Variants in ANO3 observed in about 807,000 individuals in gnomAD.
ANO3 encodes anoctamin 3, also known as anoctamin-3.
Under a neutral mutation model 144.8 loss-of-function variants are expected in ANO3, and 99 were observed. The observed-to-expected ratio is 0.68, with a 90% confidence interval of 0.58 to 0.81. The LOEUF is 0.81. ANO3 is among the 30% of genes least tolerant of loss of function. ANO3 has a pLI of 0.00. For synonymous variants in ANO3, 414 were observed against 392.6 expected, an observed-to-expected ratio of 1.05 and a Z score of -0.64; for missense variants, 905 against 1,202.2, an observed-to-expected ratio of 0.75 and a Z score of 3.66.
intron 1 of ANO3, among the ~76,000 whole-genome samples, chr11:26,292,756 T>C (rs1044829487): frequency 4.6e-5 from 7 of 152,340 alleles, no homozygotes; most frequent in African/African-American, 1.7e-4. Flanking sequence ...CAGCAAATAT[T>C]GCACAACAGC....
intron 1 of ANO3, among the ~76,000 whole-genome samples, chr11:26,290,100 T>C (rs1853920736): frequency 6.6e-6 from 1 of 152,118 alleles, no homozygotes; most frequent in Non-Finnish European, 1.5e-5. Flanking sequence ...CTGTTATTGG[T>C]CTATTCAGGG....
intron 4 of ANO3, among the ~76,000 whole-genome samples, chr11:26,468,914 A>G (rs920315907): frequency 4.6e-5 from 7 of 151,990 alleles, no homozygotes; most frequent in Admixed American, 4.6e-4. Context: ...TTTTATTTAT[A>G]TTATTAAGTG....
chr11:26,561,045 A>C, intron 14 of ANO3: 1 of 1,598,158 alleles, frequency 6.3e-7, no homozygotes, highest in Non-Finnish European at 8.5e-7. Context: ...TTGCTGTTTA[A>C]CGCCTTTTTG....
chr11:26,528,517 T>A (rs1401030629), intron 7 of ANO3, among the ~76,000 whole-genome samples: 1 of 152,214 alleles, frequency 6.6e-6, no homozygotes, highest in Non-Finnish European at 1.5e-5. Context: ...ACTTTGTTTA[T>A]GATGTAGTCA....
Position 26,397,004 on chromosome 11 carries a change from A to G in ANO3, c.47-44914A>G, listed in dbSNP as rs959443329. Among the ~76,000 whole-genome samples the G allele has an allele frequency of 1.5e-4, 22 of 151,426 alleles. 1 individual carries two copies. The highest frequency in any genetic ancestry group is 4.8e-4 in the African/African-American group (20 of 41,296). ...ACTAACCTCTCACAGAAAAAAAACA[A>G]AAACAAAAAAATAAAGTAAAATGGA... On this transcript the variant is annotated intron_variant, in intron 1 of 26. Coordinates refer to ENST00000256737, the MANE Select transcript of ANO3 (RefSeq NM_031418.4).
intron 14 of ANO3, among the ~76,000 whole-genome samples, chr11:26,571,688 C>A (rs536699165): frequency 9.2e-5 from 14 of 152,232 alleles, no homozygotes; most frequent in African/African-American, 3.4e-4. Flanking sequence ...GCTGCCACTT[C>A]CACTTTAAAC....
chr11:26,580,704 A>C (rs1458080561), intron 14 of ANO3, among the ~76,000 whole-genome samples: 1 of 152,238 alleles, frequency 6.6e-6, no homozygotes, highest in South Asian at 2.1e-4. Flanking sequence ...ATTCAGATAT[A>C]GTGTTCTCTT....
At chr11:26,649,821 G>A (rs1258154843) in intron 24 of ANO3, among the ~76,000 whole-genome samples, 2 of 152,070 alleles carry the variant, frequency 1.3e-5, no homozygotes, top group African/African-American at 4.8e-5. Flanking sequence ...CACAATTTAA[G>A]TGTAAGAGGG....
At chr11:26,565,962 T>C in intron 14 of ANO3, 1 of 1,356,078 alleles carries the variant, frequency 7.4e-7, no homozygotes, top group Non-Finnish European at 9.8e-7. Context: ...AATGGATCTA[T>C]ATATTTTAAA....
rs763228921 is a variant in ANO3 at position 26,660,337 on chromosome 11, C to A, written c.2839C>A (p.Arg947=). The A allele has an allele frequency of 1.9e-6, 3 of 1,613,306 alleles. No homozygotes were observed. The highest frequency in any genetic ancestry group is 2.5e-6 in the Non-Finnish European group (3 of 1,179,634). The change falls in exon 27 of 27, where the codon CGA becomes AGA. Residue 947 remains arginine (R), a synonymous_variant. Coordinates refer to ENST00000256737, the MANE Select transcript of ANO3 (RefSeq NM_031418.4). ...ACCAAAGGGTCTACATGACCGAATACGACGAGAGAAGTACTTAGTTCAAGA... is the reference window on the plus strand; with the variant it reads ...ACCAAAGGGTCTACATGACCGAATAAGACGAGAGAAGTACTTAGTTCAAGA... ...DVPKGLHDRI[R]REKYLVQEMM...
chr11:26,268,302 A>G (rs1853359220), intron 1 of ANO3, among the ~76,000 whole-genome samples: 1 of 152,202 alleles, frequency 6.6e-6, no homozygotes, highest in Non-Finnish European at 1.5e-5. Context: ...TGGCATCAAT[A>G]TCCAGTCTTT....
At chr11:26,638,441 C>T (rs1565158459) in intron 20 of ANO3, among the ~76,000 whole-genome samples, 1 of 152,150 alleles carries the variant, frequency 6.6e-6, no homozygotes, top group Non-Finnish European at 1.5e-5. Flanking sequence ...CCACAGGGTA[C>T]ACATCCGGCA....
intron 1 of ANO3, among the ~76,000 whole-genome samples, chr11:26,253,194 T>A (rs1300755940): frequency 6.6e-6 from 1 of 152,170 alleles, no homozygotes. Context: ...GCTGCACTAA[T>A]GCTTTACATG....
intron 1 of ANO3, among the ~76,000 whole-genome samples, chr11:26,433,641 A>G (rs1255902120): frequency 1.3e-5 from 2 of 152,186 alleles, no homozygotes; most frequent in Admixed American, 6.5e-5. Context: ...TTCTGCATCT[A>G]TTGAGATAAT....
chr11:26,639,292 G>A, intron 21 of ANO3, 51 bp downstream of exon 21: 1 of 1,395,538 alleles, frequency 7.2e-7, no homozygotes, highest in African/African-American at 1.4e-5. Flanking sequence ...AAAGAGGAAA[G>A]CTAGAGGTGG....
intron 3 of ANO3, among the ~76,000 whole-genome samples, chr11:26,456,306 A>G (rs1221359763): frequency 1.3e-5 from 2 of 152,176 alleles, no homozygotes; most frequent in African/African-American, 2.4e-5. Flanking sequence ...AATGGGACAA[A>G]ATTTTCACAA....
At chr11:26,352,185 G>A (rs925924201) in intron 1 of ANO3, among the ~76,000 whole-genome samples, 3 of 152,230 alleles carry the variant, frequency 2.0e-5, no homozygotes, top group Admixed American at 1.3e-4. Flanking sequence ...ACCAAGTACT[G>A]ACTAAAAAAC....
At chr11:26,460,771 A>C (rs776465627) in intron 3 of ANO3, among the ~76,000 whole-genome samples, 1 of 152,096 alleles carries the variant, frequency 6.6e-6, no homozygotes, top group Non-Finnish European at 1.5e-5. Flanking sequence ...GGAAATGAGT[A>C]ATGAACTTCT....
At chr11:26,194,454 G>GTGTGTA (rs1851542656) in intron 1 of ANO3, among the ~76,000 whole-genome samples, 1 of 147,328 alleles carries the variant, frequency 6.8e-6, no homozygotes, top group African/African-American at 2.5e-5. Context: ...GTGTGTGTGT[G>GTGTGTA]TGTGTGTGTG....
Sources: gnomAD v4.1 joint callset for allele counts (sites outside exome capture counted in the v4.1 genomes callset) on GRCh38, gnomAD v4.1.1 for gene constraint, MANE v1.5 for transcripts, NCBI Gene and HGNC (gene_info 2026-07-23, HGNC 2026-07-21) for gene names.